PRKCA: variants seen among roughly 807,000 people sequenced by gnomAD.
The protein encoded by PRKCA is protein kinase C alpha.
In PRKCA, 27 loss-of-function variants were observed where a neutral mutation model predicts 87.0. That is an observed-to-expected ratio of 0.31 (90% CI 0.23 to 0.43). PRKCA has a LOEUF of 0.43. Among genes scored for constraint, PRKCA ranks in the 20% least tolerant of loss-of-function variants. The probability of loss-of-function intolerance (pLI) is 1.00; values close to 1 mark genes in which losing one functional copy is unlikely to be tolerated. For missense variants in PRKCA, 518 were observed against 852.3 expected (o/e 0.61, Z 4.88); for synonymous variants, 329 against 311.1 (o/e 1.06, Z -0.61).
chr17:66,391,055 C>G (rs74987116), intron 2 of PRKCA, among the ~76,000 whole-genome samples: 1,920 of 152,278 alleles, frequency 0.013, 45 homozygotes, highest in African/African-American at 0.044. Flanking sequence ...TCATCTTCAG[C>G]AAACCATTGG....
At chr17:66,789,413 C>T (rs7213029) in intron 16 of PRKCA, among the ~76,000 whole-genome samples, 1,622 of 152,330 alleles carry the variant, frequency 0.011, 25 homozygotes, top group African/African-American at 0.032. Flanking sequence ...AGCACAACCC[C>T]GTCCTAGCCA....
At chr17:66,322,718 G>GA (rs1378347956) in intron 2 of PRKCA, among the ~76,000 whole-genome samples, 13 of 147,644 alleles carry the variant, frequency 8.8e-5, no homozygotes. Context: ...AAGCAATCCT[G>GA]TCTCGGCATC....
chr17:66,773,679 C>T (rs1176981893), intron 13 of PRKCA, among the ~76,000 whole-genome samples: 1 of 151,976 alleles, frequency 6.6e-6, no homozygotes, highest in Non-Finnish European at 1.5e-5. Flanking sequence ...AAATTAAATC[C>T]ACCTCAGTGT....
At chr17:66,466,255 G>A (rs980733618) in intron 2 of PRKCA, among the ~76,000 whole-genome samples, 3 of 152,168 alleles carry the variant, frequency 2.0e-5, no homozygotes, top group African/African-American at 2.4e-5. Context: ...TGAACTGCAC[G>A]TGTGGAAAGA....
chr17:66,393,114 G>T (rs1489618814), intron 2 of PRKCA, among the ~76,000 whole-genome samples: 1 of 152,162 alleles, frequency 6.6e-6, no homozygotes, highest in East Asian at 1.9e-4. Flanking sequence ...AAGCCAGTGG[G>T]TTTCAGAGCA....
chr17:66,387,526 A>G (rs4281768), intron 2 of PRKCA, among the ~76,000 whole-genome samples: 120,526 of 152,174 alleles, frequency 0.79, 48,225 homozygotes, highest in South Asian at 0.87. Context: ...CAGTAAAAGG[A>G]GCCTTTCATC....
rs1039528825 is a variant in PRKCA, at chr17:66,514,417, G to A, written c.288+18134G>A. On this transcript the variant is annotated intron_variant, in intron 3 of 16. Coordinates refer to ENST00000413366, the MANE Select transcript of PRKCA (RefSeq NM_002737.3). ...CAGTGTGATGAGAAAGTTGTCTGTT[G>A]CAGATATCTACACTGCTGCATGCTA... Among the ~76,000 whole-genome samples, 11 of 151,032 alleles carry A rather than the reference G, an allele frequency of 7.3e-5. 1 individual carries two copies. Among genetic ancestry groups the A allele is most frequent in the Admixed American group, 4.6e-4 (7 of 15,190 alleles).
intron 2 of PRKCA, among the ~76,000 whole-genome samples, chr17:66,436,863 G>A (rs887321875): frequency 6.6e-5 from 10 of 152,086 alleles, no homozygotes; most frequent in South Asian, 4.1e-4. Flanking sequence ...TAAAGATGTC[G>A]TATAAGTCAG....
chr17:66,592,343 C>CAAAAA (rs71160581), intron 3 of PRKCA, among the ~76,000 whole-genome samples: 1,787 of 82,228 alleles, frequency 0.022, 171 homozygotes, highest in African/African-American at 0.094. Flanking sequence ...TGATCCGTCT[C>CAAAAA]AAAAAAAAAA....
At chr17:66,679,662 C>T (rs535889946) in intron 5 of PRKCA, among the ~76,000 whole-genome samples, 21 of 152,374 alleles carry the variant, frequency 1.4e-4, no homozygotes, top group Admixed American at 2.6e-4. Context: ...TCTTTGGCCA[C>T]CCATCTTTCT....
chr17:66,701,764 A>T (rs931545735), intron 8 of PRKCA, among the ~76,000 whole-genome samples: 3 of 152,138 alleles, frequency 2.0e-5, no homozygotes, highest in Admixed American at 6.5e-5. Flanking sequence ...TCAAAATTAT[A>T]ATGAGGTATC....
chr17:66,501,961 G>A (rs1258428784), intron 3 of PRKCA, among the ~76,000 whole-genome samples: 1 of 152,212 alleles, frequency 6.6e-6, no homozygotes, highest in Non-Finnish European at 1.5e-5. Context: ...GGCAGATTCA[G>A]GAAGGGCTAG....
intron 2 of PRKCA, among the ~76,000 whole-genome samples, chr17:66,457,452 A>G (rs548566613): frequency 1.3e-5 from 2 of 152,028 alleles, no homozygotes; most frequent in Non-Finnish European, 2.9e-5. Flanking sequence ...GCTGTTGAAG[A>G]TGTGAGATGC....
At chr17:66,709,659 G>A (rs1973275584) in intron 8 of PRKCA, among the ~76,000 whole-genome samples, 1 of 151,728 alleles carries the variant, frequency 6.6e-6, no homozygotes, top group Non-Finnish European at 1.5e-5. Flanking sequence ...CTTGAGAAAG[G>A]AAAGTTATCC....
At chr17:66,383,628 C>T (rs1394743747) in intron 2 of PRKCA, among the ~76,000 whole-genome samples, 1 of 152,142 alleles carries the variant, frequency 6.6e-6, no homozygotes, top group Non-Finnish European at 1.5e-5. Context: ...GCGATAGTTT[C>T]AACTTTCTTG....
intron 3 of PRKCA, among the ~76,000 whole-genome samples, chr17:66,637,715 T>C (rs895779508): frequency 6.6e-5 from 10 of 152,160 alleles, no homozygotes; most frequent in Admixed American, 5.2e-4. Flanking sequence ...TTGAATGACC[T>C]CCTAGAGCAG....
chr17:66,697,042 G>C (rs965659976), intron 8 of PRKCA, among the ~76,000 whole-genome samples: 3 of 152,154 alleles, frequency 2.0e-5, no homozygotes, highest in African/African-American at 7.2e-5. Flanking sequence ...CCCAGTCATA[G>C]ACCATCGTCA....
intron 2 of PRKCA, among the ~76,000 whole-genome samples, chr17:66,330,101 T>C (rs1174101195): frequency 3.2e-5 from 3 of 93,678 alleles, no homozygotes; most frequent in African/African-American, 4.3e-5. Context: ...ACTATTTTCC[T>C]GGATTTTTTT....
rs111772893 is a variant in PRKCA, at chr17:66,392,154, C to T, written c.205+86027C>T. Among the ~76,000 whole-genome samples the T allele has an allele frequency of 5.5e-3, 831 of 151,384 alleles. 6 individuals are homozygous for T. The highest frequency in any genetic ancestry group is 8.9e-3 in the Non-Finnish European group (603 of 67,908). ...CTGAGGCAGGAGAATGGTGTGAACC[C>T]GGGAGGCGGAGCTTGCAGTGAGCCG... On this transcript the variant is annotated intron_variant, in intron 2 of 16. Coordinates refer to ENST00000413366, the MANE Select transcript of PRKCA (RefSeq NM_002737.3).
Sources: gnomAD v4.1 joint callset for allele counts (sites outside exome capture counted in the v4.1 genomes callset) on GRCh38, gnomAD v4.1.1 for gene constraint, MANE v1.5 for transcripts, NCBI Gene and HGNC (gene_info 2026-07-23, HGNC 2026-07-21) for gene names.